TBC1D1: variants seen among roughly 807,000 people sequenced by gnomAD.
TBC1D1 encodes TBC1 domain family member 1.
Under a neutral mutation model 125.6 loss-of-function variants are expected in TBC1D1, and 89 were observed. The observed-to-expected ratio is 0.71, with a 90% confidence interval of 0.60 to 0.85. The LOEUF is 0.85. Ranked by LOEUF, TBC1D1 falls within the 40% of genes least tolerant of loss-of-function variation. The pLI, the probability that TBC1D1 is intolerant of heterozygous loss-of-function variation, is 0.00. For missense variants in TBC1D1, 1,377 were observed against 1,469.2 expected (o/e 0.94, Z 1.03); for synonymous variants, 565 against 564.1 (o/e 1.00, Z -0.02).
intron 2 of TBC1D1, among the ~76,000 whole-genome samples, chr4:38,011,625 A>G (rs1427783994): frequency 6.6e-6 from 1 of 152,160 alleles, no homozygotes; most frequent in East Asian, 1.9e-4. Flanking sequence ...TATTACACAT[A>G]ACTTCTTGGT....
chr4:37,917,011 T>C (rs1289271102), intron 2 of TBC1D1, among the ~76,000 whole-genome samples: 1 of 150,426 alleles, frequency 6.6e-6, no homozygotes, highest in Admixed American at 6.6e-5. Flanking sequence ...CCTCAAGTGA[T>C]TCGCCTGCCT....
chr4:38,069,135 G>A (rs1299177656), intron 12 of TBC1D1, among the ~76,000 whole-genome samples: 5 of 152,178 alleles, frequency 3.3e-5, no homozygotes, highest in African/African-American at 1.2e-4. Flanking sequence ...GAGGCTTTAG[G>A]GGAAAGGGGT....
At chr4:37,926,627 C>T (rs1422822163) in intron 2 of TBC1D1, among the ~76,000 whole-genome samples, 1 of 152,162 alleles carries the variant, frequency 6.6e-6, no homozygotes, top group African/African-American at 2.4e-5. Flanking sequence ...ATGTGGCCCT[C>T]AATTCAATAC....
At chr4:37,955,517 A>G (rs558498351) in intron 2 of TBC1D1, among the ~76,000 whole-genome samples, 9 of 152,314 alleles carry the variant, frequency 5.9e-5, no homozygotes, top group Non-Finnish European at 1.2e-4. Context: ...TGCTACATAC[A>G]TAGTGTTATA....
chr4:38,100,216 T>C (rs1395758565), intron 14 of TBC1D1, among the ~76,000 whole-genome samples: 2 of 152,226 alleles, frequency 1.3e-5, no homozygotes, highest in African/African-American at 4.8e-5. Flanking sequence ...GTATATTTGC[T>C]TCCTGTTGCT....
chr4:37,956,819 G>C (rs536488089), intron 2 of TBC1D1, among the ~76,000 whole-genome samples: 1 of 151,972 alleles, frequency 6.6e-6, no homozygotes, highest in Non-Finnish European at 1.5e-5. Context: ...CACACCTGTA[G>C]TCCCAGTTAC....
chr4:38,137,115 TTTC>T lies in TBC1D1; in HGVS notation c.3307-14_3307-12del, dbSNP rs772530763. 5.6e-6 allele frequency: 9 copies of T among 1,612,504 alleles called. No homozygotes were observed. In the African/African-American group the frequency reaches 8.0e-5, roughly 14 times the overall value. On this transcript the variant is annotated splice_polypyrimidine_tract_variant and intron_variant, in intron 19 of 19. Transcript: ENST00000261439. The stretch of plus-strand genomic sequence containing the variant: ...GTTAGCACTGGCAATTGTATTCTCA[TTTC>T]TTCTTTTATTCTCCAGGTGGCAAAT...
chr4:37,980,412 A>G (rs1175590216), intron 2 of TBC1D1, among the ~76,000 whole-genome samples: 2 of 152,306 alleles, frequency 1.3e-5, no homozygotes, highest in East Asian at 3.9e-4. Context: ...TTTTCATAGT[A>G]AACTCACAGA....
At chr4:37,976,943 A>T (rs1030904917) in intron 2 of TBC1D1, among the ~76,000 whole-genome samples, 1 of 152,230 alleles carries the variant, frequency 6.6e-6, no homozygotes, top group African/African-American at 2.4e-5. Flanking sequence ...TGTTACTAGC[A>T]ATCTAAAGCG....
At position 37,977,683 on chromosome 4, in the gene TBC1D1, G is replaced by C. The variant is rs1733478424; in HGVS notation, c.418-36826G>C. Among the ~76,000 whole-genome samples the C allele has an allele frequency of 1.3e-5, 2 of 152,014 alleles. No homozygotes were observed. The highest frequency in any genetic ancestry group is 4.8e-5 in the African/African-American group (2 of 41,432). ...GGCGCGACCAGGTCGTTAGCCGCGCGTTTCTCATTCATTAGTCTCCCAGAT... is the reference window on the plus strand; with the variant it reads ...GGCGCGACCAGGTCGTTAGCCGCGCCTTTCTCATTCATTAGTCTCCCAGAT... On this transcript the variant is annotated intron_variant, in intron 2 of 19. Coordinates refer to ENST00000261439, the MANE Select transcript of TBC1D1 (RefSeq NM_015173.4). The surrounding 1 kb of genome is among the most constrained non-coding windows in gnomAD (Gnocchi z 4.3).
intron 6 of TBC1D1, among the ~76,000 whole-genome samples, chr4:38,023,922 C>A (rs1744576100): frequency 6.6e-6 from 1 of 152,196 alleles, no homozygotes; most frequent in African/African-American, 2.4e-5. Context: ...CACCATTTTA[C>A]AATCCCACTG....
intron 12 of TBC1D1, among the ~76,000 whole-genome samples, chr4:38,071,774 G>A (rs996777166): frequency 1.1e-4 from 17 of 152,174 alleles, no homozygotes; most frequent in African/African-American, 2.9e-4. Context: ...CTGAGTCTGT[G>A]GAGCTCAATA....
chr4:38,009,430 C>T (rs1741015258), intron 2 of TBC1D1, among the ~76,000 whole-genome samples: 1 of 152,178 alleles, frequency 6.6e-6, no homozygotes, highest in Non-Finnish European at 1.5e-5. Context: ...AAAAACAAAG[C>T]AGCAAATGTA....
Position 38,133,136 on chromosome 4 carries a change from A to G in TBC1D1, c.3185A>G (p.His1062Arg). 1 of 1,614,236 alleles carries G rather than the reference A, an allele frequency of 6.2e-7. No individual in the cohort carries two copies. Among genetic ancestry groups the G allele is most frequent in the South Asian group, 1.1e-5 (1 of 91,080 alleles). The change falls in exon 19 of 20, where the codon CAC (histidine) becomes CGC (arginine). Residue 1062 changes from histidine (H) to arginine (R), a missense_variant. Coordinates refer to ENST00000261439, the MANE Select transcript of TBC1D1 (RefSeq NM_015173.4). ...TTACAAGCTTATGAAGTTGAGTACC[A>G]CGTCCTTCAAGAAGAACTTATCGAT...
chr4:37,920,073 A>ACTGC (rs1720621746), intron 2 of TBC1D1, among the ~76,000 whole-genome samples: 2 of 152,244 alleles, frequency 1.3e-5, no homozygotes, highest in African/African-American at 2.4e-5. Context: ...AGATAACGCC[A>ACTGC]CTGCACTCCG....
At chr4:38,101,073 G>A (rs574053755) in intron 14 of TBC1D1, among the ~76,000 whole-genome samples, 20 of 152,288 alleles carry the variant, frequency 1.3e-4, no homozygotes, top group African/African-American at 3.9e-4. Flanking sequence ...AGGGTTATGA[G>A]TATGGTATGG....
intron 7 of TBC1D1, among the ~76,000 whole-genome samples, chr4:38,030,744 G>A (rs892986660): frequency 1.3e-5 from 2 of 152,100 alleles, no homozygotes; most frequent in African/African-American, 4.8e-5. Context: ...TTCCTGGAGG[G>A]GAATTTGTTT....
chr4:37,948,116 C>G (rs751174877), intron 2 of TBC1D1, among the ~76,000 whole-genome samples: 1 of 152,028 alleles, frequency 6.6e-6, no homozygotes, highest in Non-Finnish European at 1.5e-5. Flanking sequence ...GACCTGAACC[C>G]CATGGTAGGA....
chr4:38,098,407 T>G (rs1759735725), intron 14 of TBC1D1, among the ~76,000 whole-genome samples: 1 of 152,218 alleles, frequency 6.6e-6, no homozygotes, highest in South Asian at 2.1e-4. Context: ...ATATTTGAGC[T>G]TCTTAGAAGC....
Sources: allele counts gnomAD v4.1 joint callset (sites outside exome capture counted in the v4.1 genomes callset), GRCh38; gene constraint gnomAD v4.1.1; non-coding constraint Gnocchi (gnomAD v3.1); transcripts MANE v1.5; gene names NCBI Gene and HGNC (gene_info 2026-07-23, HGNC 2026-07-21).